KDM4C: variants seen among roughly 807,000 people sequenced by gnomAD.
The protein encoded by KDM4C is lysine-specific demethylase 4C.
KDM4C carries 81 observed loss-of-function variants against 129.3 expected under a neutral mutation model. The ratio of observed to expected loss-of-function variants is 0.63; its 90% CI spans 0.52 to 0.75. KDM4C has a LOEUF of 0.75. KDM4C is among the 30% of genes least tolerant of loss of function. The pLI is 0.00. For missense variants in KDM4C, 1,457 were observed against 1,304.0 expected (o/e 1.12, Z -1.81); for synonymous variants, 573 against 456.1 (o/e 1.26, Z -3.26).
chr9:7,052,888 A>AGT (rs1564049510), intron 17 of KDM4C, among the ~76,000 whole-genome samples: 1 of 12,254 alleles, frequency 8.2e-5, no homozygotes, highest in Non-Finnish European at 1.6e-4. Flanking sequence ...AGAGAGAGAG[A>AGT]GAGAGAGAGA....
Position 7,174,999 on chromosome 9 carries a change from A to G in KDM4C, c.*270A>G, listed in dbSNP as rs1845313620. ...CAAAGAAGTTTTCTAAGTGAAAGGAAATACTAGTGAATCACCCACAAGGAA... is the reference window on the plus strand; with the variant it reads ...CAAAGAAGTTTTCTAAGTGAAAGGAGATACTAGTGAATCACCCACAAGGAA... On this transcript the variant is annotated 3_prime_UTR_variant, in exon 22 of 22. Coordinates refer to ENST00000381309, the MANE Select transcript of KDM4C (RefSeq NM_015061.6). 6.5e-6 allele frequency: 2 copies of G among 307,066 alleles called. No homozygotes were observed. Among genetic ancestry groups the G allele is most frequent in the Non-Finnish European group, 1.2e-5 (2 of 162,188 alleles). The allele number at this position is 307,066 out of a possible 1,614,324, so 19.0% of individuals were successfully genotyped here.
rs538466781 is a variant in KDM4C at position 6,836,569 on chromosome 9, C to T, written c.436-12938C>T. Among the ~76,000 whole-genome samples the T allele has an allele frequency of 7.9e-5, 12 of 152,268 alleles. No homozygotes were observed. In the East Asian group the frequency reaches 2.3e-3, roughly 29 times the overall value. On this transcript the variant is annotated intron_variant, in intron 4 of 21. Transcript: ENST00000381309. Reference sequence around the variant, plus strand: ...TTCCTGCTATGCCACCCCCATCACTCTGGGGTGGCCTGAATTTTGTGTTTG... The same window carrying T: ...TTCCTGCTATGCCACCCCCATCACTTTGGGGTGGCCTGAATTTTGTGTTTG...
intron 8 of KDM4C, among the ~76,000 whole-genome samples, chr9:6,961,657 T>G (rs1830074408): frequency 1.3e-5 from 2 of 152,382 alleles, no homozygotes; most frequent in African/African-American, 4.8e-5. Flanking sequence ...GTAATCCTTG[T>G]TATCAAAATT....
chr9:6,773,887 C>T (rs1822433495), intron 1 of KDM4C, among the ~76,000 whole-genome samples: 1 of 151,834 alleles, frequency 6.6e-6, no homozygotes, highest in Non-Finnish European at 1.5e-5. Context: ...GATACAAATG[C>T]ATAACCAAAC....
chr9:6,820,044 A>T (rs1484176320), intron 4 of KDM4C, among the ~76,000 whole-genome samples: 5 of 152,048 alleles, frequency 3.3e-5, no homozygotes, highest in African/African-American at 1.2e-4. Context: ...GAGTTCTTGG[A>T]GAGGGTATGG....
At chr9:7,158,074 T>A (rs1387243402) in intron 19 of KDM4C, among the ~76,000 whole-genome samples, 2 of 152,222 alleles carry the variant, frequency 1.3e-5, no homozygotes, top group Non-Finnish European at 2.9e-5. Context: ...TCTTCCTGGT[T>A]TAGTCTTAGG....
chr9:6,919,541 GTCTGTCTATCTATCTATCTA>G (rs1214939276), intron 8 of KDM4C, among the ~76,000 whole-genome samples: 3 of 60,444 alleles, frequency 5.0e-5, no homozygotes, highest in African/African-American at 1.3e-4. Context: ...CTGTCTGTCT[GTCTGTCTATCTATCTATCTA>G]TCTATCTATC....
At chr9:7,004,612 A>C (rs1231747612) in intron 12 of KDM4C, among the ~76,000 whole-genome samples, 3 of 152,208 alleles carry the variant, frequency 2.0e-5, no homozygotes, top group Non-Finnish European at 4.4e-5. Flanking sequence ...TTTAAAAAAG[A>C]TTCTTTTAGA....
At chr9:6,900,571 G>T (rs1263327209) in intron 8 of KDM4C, among the ~76,000 whole-genome samples, 1 of 152,164 alleles carries the variant, frequency 6.6e-6, no homozygotes, top group African/African-American at 2.4e-5. Flanking sequence ...GGAGTTCAAG[G>T]TTACAGTGAG....
upstream of KDM4C, among the ~76,000 whole-genome samples, chr9:6,752,766 T>C (rs541079981): frequency 1.3e-5 from 2 of 152,288 alleles, no homozygotes; most frequent in African/African-American, 4.8e-5. Flanking sequence ...CCAACTAATA[T>C]ATGAATTTTA....
intron 11 of KDM4C, chr9:6,986,886 C>G: frequency 2.3e-6 from 1 of 439,970 alleles, no homozygotes; most frequent in Non-Finnish European, 4.0e-6. Context: ...GGCCACGTGT[C>G]GATGCTTGAT....
chr9:7,044,863 C>G lies in KDM4C; in HGVS notation c.2260-1999C>G, dbSNP rs537070118. On this transcript the variant is annotated intron_variant, in intron 15 of 21. Coordinates refer to ENST00000381309, the MANE Select transcript of KDM4C (RefSeq NM_015061.6). ...TGTGTGAGGATAGTGAAAGAGAAGC[C>G]TGTTAAAGGAAACTGAGGGTCAGCT... Among the ~76,000 whole-genome samples, 4 of 151,974 alleles carry G rather than the reference C, an allele frequency of 2.6e-5. No homozygotes were observed. The South Asian group carries it at 8.3e-4, about 32-fold the overall frequency.
At chr9:6,819,473 G>A (rs1832661788) in intron 4 of KDM4C, among the ~76,000 whole-genome samples, 1 of 152,160 alleles carries the variant, frequency 6.6e-6, no homozygotes, top group Non-Finnish European at 1.5e-5. Context: ...TATCATTTTG[G>A]TAGGACCTAC....
intron 8 of KDM4C, among the ~76,000 whole-genome samples, chr9:6,923,022 CA>C (rs1392414024): frequency 3.5e-4 from 53 of 152,324 alleles, no homozygotes; most frequent in Admixed American, 1.5e-3. Flanking sequence ...CTTGTTTTGT[CA>C]TATGCTTTAG....
chr9:6,851,336 T>C (rs1304632097), intron 5 of KDM4C, among the ~76,000 whole-genome samples: 3 of 152,172 alleles, frequency 2.0e-5, no homozygotes, highest in African/African-American at 7.2e-5. Flanking sequence ...GGATCTCTGT[T>C]GTGTTTGTAC....
At chr9:7,087,938 C>G (rs1432712458) in intron 17 of KDM4C, among the ~76,000 whole-genome samples, 1 of 152,232 alleles carries the variant, frequency 6.6e-6, no homozygotes, top group Non-Finnish European at 1.5e-5. Flanking sequence ...ATGGAGAACG[C>G]CGATTTGTAA....
chr9:6,825,015 A>G (rs1833657555), intron 4 of KDM4C, among the ~76,000 whole-genome samples: 3 of 152,140 alleles, frequency 2.0e-5, no homozygotes, highest in South Asian at 2.1e-4. Flanking sequence ...GTGTGGTGAC[A>G]TGCACCTGTA....
intron 4 of KDM4C, among the ~76,000 whole-genome samples, chr9:6,830,774 A>C (rs1351550710): frequency 1.3e-5 from 2 of 152,206 alleles, no homozygotes; most frequent in Non-Finnish European, 2.9e-5. Flanking sequence ...TTCTTTATGA[A>C]GAATAAAAGG....
intron 18 of KDM4C, among the ~76,000 whole-genome samples, chr9:7,116,162 A>C (rs1838874384): frequency 6.6e-6 from 1 of 152,150 alleles, no homozygotes; most frequent in Non-Finnish European, 1.5e-5. Context: ...GACATGGAGA[A>C]GTGAAACTTT....
Sources: gnomAD v4.1 joint callset for allele counts (sites outside exome capture counted in the v4.1 genomes callset) on GRCh38, gnomAD v4.1.1 for gene constraint, MANE v1.5 for transcripts, NCBI Gene and HGNC (gene_info 2026-07-23, HGNC 2026-07-21) for gene names.